Variants in CLSTN2 observed in about 807,000 individuals in gnomAD.
CLSTN2 encodes the protein calsyntenin 2, also known as calsyntenin-2.
A neutral mutation model predicts 101.2 loss-of-function variants in CLSTN2; 48 were observed. That is an observed-to-expected ratio of 0.47 (90% CI 0.38 to 0.60). The LOEUF (loss-of-function observed/expected upper bound fraction) is 0.60. Among genes scored for constraint, CLSTN2 ranks in the 20% least tolerant of loss-of-function variants. CLSTN2 has a pLI of 0.00. For missense variants in CLSTN2, 1,160 were observed against 1,238.2 expected, an observed-to-expected ratio of 0.94 and a Z score of 0.95; for synonymous variants, 481 against 463.6, an observed-to-expected ratio of 1.04 and a Z score of -0.48.
At chr3:140,357,595 T>C (rs577638648) in intron 2 of CLSTN2, among the ~76,000 whole-genome samples, 1 of 152,010 alleles carries the variant, frequency 6.6e-6, no homozygotes, top group Non-Finnish European at 1.5e-5. Context: ...GATGGTCCCT[T>C]TTGTGAGGGA....
At chr3:140,040,336 C>T (rs935193577) in intron 1 of CLSTN2, among the ~76,000 whole-genome samples, 5 of 152,144 alleles carry the variant, frequency 3.3e-5, no homozygotes, top group African/African-American at 1.2e-4. Context: ...GTCAACACTC[C>T]TGGGGTGCTA....
intron 2 of CLSTN2, among the ~76,000 whole-genome samples, chr3:140,366,862 G>A (rs948589766): frequency 3.9e-5 from 6 of 152,208 alleles, no homozygotes; most frequent in Non-Finnish European, 8.8e-5. Flanking sequence ...TTGAAGAGCC[G>A]ATGTCCTGGG....
At chr3:140,456,661 C>T (rs1352370177) in intron 6 of CLSTN2, among the ~76,000 whole-genome samples, 1 of 152,100 alleles carries the variant, frequency 6.6e-6, no homozygotes, top group Non-Finnish European at 1.5e-5. Context: ...GTGGCGCATG[C>T]CTGTAATCCC....
chr3:140,463,454 T>A (rs1050479108), intron 7 of CLSTN2, among the ~76,000 whole-genome samples: 6 of 152,138 alleles, frequency 3.9e-5, no homozygotes, highest in Admixed American at 3.3e-4. Flanking sequence ...ATTTTCACAC[T>A]TACAGAGGTA....
chr3:140,226,706 ATACCC>A (rs1019615240), intron 2 of CLSTN2, among the ~76,000 whole-genome samples: 7 of 152,216 alleles, frequency 4.6e-5, no homozygotes, highest in Non-Finnish European at 7.3e-5. Flanking sequence ...TGATAAAGAC[ATACCC>A]AAGGCTGAGC....
At chr3:140,525,512 A>T (rs1048544273) in intron 8 of CLSTN2, among the ~76,000 whole-genome samples, 9 of 152,154 alleles carry the variant, frequency 5.9e-5, no homozygotes, top group African/African-American at 2.2e-4. Context: ...CAAAGAACTG[A>T]TACCAATCCT....
At chr3:140,112,351 G>C (rs944438562) in intron 1 of CLSTN2, among the ~76,000 whole-genome samples, 2 of 129,296 alleles carry the variant, frequency 1.5e-5, no homozygotes, top group African/African-American at 3.3e-5. Flanking sequence ...AATATTAAAA[G>C]TGTGTGTGTG....
intron 1 of CLSTN2, among the ~76,000 whole-genome samples, chr3:140,129,463 G>A (rs2009488382): frequency 6.6e-6 from 1 of 152,130 alleles, no homozygotes; most frequent in Non-Finnish European, 1.5e-5. Context: ...TTGGTCTTAG[G>A]CTTCCCATTC....
chr3:140,092,487 A>G (rs765991294), intron 1 of CLSTN2, among the ~76,000 whole-genome samples: 1 of 152,156 alleles, frequency 6.6e-6, no homozygotes, highest in Admixed American at 6.5e-5. Flanking sequence ...TTCATGGGCA[A>G]TTAAGTGTTA....
chr3:140,337,167 A>G (rs1466263893), intron 2 of CLSTN2, among the ~76,000 whole-genome samples: 1 of 152,216 alleles, frequency 6.6e-6, no homozygotes, highest in Non-Finnish European at 1.5e-5. Flanking sequence ...GTTGTTGTAT[A>G]TATTTATTTC....
chr3:140,380,192 G>A (rs147478321), intron 2 of CLSTN2, among the ~76,000 whole-genome samples: 3 of 152,332 alleles, frequency 2.0e-5, no homozygotes, highest in Non-Finnish European at 2.9e-5. Context: ...TGGGCTTGAG[G>A]AATGCCCAAA....
intron 2 of CLSTN2, among the ~76,000 whole-genome samples, chr3:140,299,380 T>C (rs1377980945): frequency 1.3e-5 from 2 of 152,368 alleles, no homozygotes; most frequent in African/African-American, 2.4e-5. Flanking sequence ...CCAGTATATA[T>C]AGTCAGTTCT....
chr3:140,535,854 T>C lies in CLSTN2; in HGVS notation c.1507+3368T>C, dbSNP rs1196728524. On this transcript the variant is annotated intron_variant, in intron 9 of 16. Transcript: ENST00000458420. ...CTTTTCACTGTGTCTCACTGCCCTC[T>C]ATTGCTAATTGGTCATTTTGCTTAT... 3.3e-5 allele frequency among the ~76,000 whole-genome samples: 5 copies of C among 152,226 alleles called. No homozygotes were observed. The East Asian group carries it at 9.6e-4, about 29-fold the overall frequency.
chr3:140,240,134 T>TTCTCCCTCTCTCTCTCTC lies in CLSTN2; in HGVS notation c.232+64065_232+64066insCCTCTCTCTCTCTCTCTC, dbSNP rs1553724847. 1.5e-4 allele frequency among the ~76,000 whole-genome samples: 3 copies of TTCTCCCTCTCTCTCTCTC among 20,532 alleles called. 1 individual carries two copies. Among genetic ancestry groups the TTCTCCCTCTCTCTCTCTC allele is most frequent in the Non-Finnish European group, 5.5e-4 (3 of 5,416 alleles). 13.5% of individuals were successfully genotyped at this position (20,532 alleles called of 152,430 possible). On this transcript the variant is annotated intron_variant, in intron 2 of 16. Transcript: ENST00000458420. ...AAGCTATACCTTAATTGCACCTGGT[T>TTCTCCCTCTCTCTCTCTC]TCTCTCTCTCTCTCTCTGTCTCTCT...
At chr3:140,422,606 C>G (rs1028062198) in intron 5 of CLSTN2, among the ~76,000 whole-genome samples, 9 of 152,272 alleles carry the variant, frequency 5.9e-5, no homozygotes, top group Admixed American at 5.2e-4. Flanking sequence ...AGTAAAGGAA[C>G]CACAGGTAAG....
At chr3:140,551,342 T>C (rs1046791561) in intron 10 of CLSTN2, among the ~76,000 whole-genome samples, 8 of 152,190 alleles carry the variant, frequency 5.3e-5, no homozygotes, top group Non-Finnish European at 1.5e-5. Flanking sequence ...TGTCTTCTTC[T>C]GAATCATGCA....
chr3:140,138,185 T>C (rs2009643710), intron 1 of CLSTN2, among the ~76,000 whole-genome samples: 1 of 152,148 alleles, frequency 6.6e-6, no homozygotes, highest in Non-Finnish European at 1.5e-5. Context: ...CTGTGAATAT[T>C]AAAAGTACCC....
chr3:140,061,906 C>A (rs1397750029), intron 1 of CLSTN2, among the ~76,000 whole-genome samples: 1 of 152,222 alleles, frequency 6.6e-6, no homozygotes, highest in Non-Finnish European at 1.5e-5. Context: ...GCTCGCTTCT[C>A]CTGACACTGA....
chr3:140,144,136 G>T (rs911079911), intron 1 of CLSTN2, among the ~76,000 whole-genome samples: 1 of 152,242 alleles, frequency 6.6e-6, no homozygotes, highest in Admixed American at 6.5e-5. Flanking sequence ...GGAATTGGAT[G>T]TTTGTCAACA....
Sources: allele counts gnomAD v4.1 joint callset (sites outside exome capture counted in the v4.1 genomes callset), GRCh38; gene constraint gnomAD v4.1.1; transcripts MANE v1.5; gene names NCBI Gene and HGNC (gene_info 2026-07-23, HGNC 2026-07-21).